Variants in PSG6 observed in about 807,000 individuals in gnomAD.
PSG6 encodes the protein pregnancy specific beta-1-glycoprotein 6.
PSG6 carries 51 observed loss-of-function variants against 43.3 expected under a neutral mutation model. That is an observed-to-expected ratio of 1.18 (90% confidence interval 0.94 to 1.49). PSG6 has a LOEUF of 1.49. Among genes scored for constraint, PSG6 ranks in the 40% most tolerant of loss-of-function variants. PSG6 has a pLI of 0.00. For missense variants in PSG6, 770 were observed against 522.2 expected (o/e 1.47, Z -4.62); for synonymous variants, 292 against 197.6 (o/e 1.48, Z -4.01).
rs370199312 is a variant in PSG6 at position 42,909,556 on chromosome 19, G to C, written c.706+1024C>G. The C allele has an allele frequency of 1.3e-4, 19 of 151,662 alleles. 1 individual carries two copies. The highest frequency in any genetic ancestry group is 7.8e-4 in the East Asian group (4 of 5,148). 9.4% of individuals were successfully genotyped at this position (151,662 alleles called of 1,614,324 possible). A position where few individuals can be genotyped will look rare whatever the true frequency, so the allele number is the denominator to read the frequency against. On this transcript the variant is annotated intron_variant, in intron 3 of 5. Coordinates refer to ENST00000187910, the MANE Select transcript of PSG6 (RefSeq NM_001031850.4). ...CTTCCAATCCATGAAAATGAAATGTGTTTCCATATATTGATATCGTCTTTA... is the reference window on the plus strand; with the variant it reads ...CTTCCAATCCATGAAAATGAAATGTCTTTCCATATATTGATATCGTCTTTA...
In PSG6 at chr19:42,902,761, A is replaced by T. The variant is rs577058828; in HGVS notation, c.1241-315T>A. On this transcript the variant is annotated intron_variant, in intron 5 of 5. Transcript: ENST00000187910. ...TCACAGGTGTCTTCCCTGATAAATT[A>T]TCTTGTATGTCTAATCCCATCTTGG... Among the ~76,000 whole-genome samples the T allele has an allele frequency of 2.3e-4, 35 of 151,452 alleles. 2 individuals carry two copies. The highest frequency in any genetic ancestry group is 8.5e-4 in the African/African-American group (35 of 41,224).
intron 2 of PSG6, among the ~76,000 whole-genome samples, chr19:42,911,180 C>G (rs1228937005): frequency 6.6e-6 from 1 of 151,542 alleles, no homozygotes; most frequent in Non-Finnish European, 1.5e-5. Flanking sequence ...CTGCCTGGCC[C>G]ACCTTTTGGT....
intron 5 of PSG6, chr19:42,903,736 A>T: frequency 6.6e-7 from 1 of 1,521,632 alleles, no homozygotes; most frequent in Non-Finnish European, 8.8e-7. Flanking sequence ...AAAAAAAAAA[A>T]AAACCAATTA....
Position 42,910,762 on chromosome 19 carries a change from G to A in PSG6, c.524C>T (p.Ala175Val). ...ACCATTCAGCAACCACAGGTAGCTTGCATCCGGAGTCTCAGGATCACAGAT... is the reference window on the plus strand; with the variant it reads ...ACCATTCAGCAACCACAGGTAGCTTACATCCGGAGTCTCAGGATCACAGAT... Reference protein sequence around the residue: ...RLICDPETPDASYLWLLNGQN... With the variant: ...RLICDPETPDVSYLWLLNGQN... The change falls in exon 3 of 6, where the codon GCA (alanine) becomes GTA (valine). Residue 175 changes from alanine (A) to valine (V), a missense_variant. Physicochemically the swap from Ala to Val is moderately conservative, Grantham distance 64. Transcript: ENST00000187910. The A allele has an allele frequency of 1.2e-6, 2 of 1,612,394 alleles. No homozygotes were observed. The highest frequency in any genetic ancestry group is 1.7e-6 in the Non-Finnish European group (2 of 1,179,272).
In PSG6 at chr19:42,916,178, T is replaced by A. The variant is rs781482700; in HGVS notation, c.374A>T (p.Lys125Met). The change falls in exon 2 of 6, where the codon AAG (lysine) becomes ATG (methionine). Residue 125 changes from lysine (K) to methionine (M), a missense_variant. Lys to Met is a moderately conservative substitution (Grantham distance 95). Transcript: ENST00000187910. ...DAGSYTLHII[K>M]RGDGTGGVTG... is the part of the protein sequence containing the mutation. ...TACTCCTCCAGTCCCATCGCCTCGC[T>A]TTATGATGTGTAAGGTGTAGGATCC... The A allele has an allele frequency of 2.0e-5, 32 of 1,612,038 alleles. 2 individuals are homozygous for A. The highest frequency in any genetic ancestry group is 2.7e-5 in the African/African-American group (2 of 74,708).
chr19:42,910,417 C>T (rs1367930382), intron 3 of PSG6, 163 bp downstream of exon 3: 1 of 1,560,184 alleles, frequency 6.4e-7, no homozygotes, highest in South Asian at 1.1e-5. Context: ...TTGATCAAGC[C>T]TAGGCCTACT....
intron 3 of PSG6, 194 bp from the exon 4 acceptor site, chr19:42,908,048 G>A: frequency 1.1e-6 from 1 of 951,194 alleles, no homozygotes; most frequent in Admixed American, 2.9e-5. Flanking sequence ...TCTGTCTTAG[G>A]GAAGCACAGA....
At chr19:42,910,422 C>A in intron 3 of PSG6, 158 bp downstream of exon 3, 1 of 1,570,262 alleles carries the variant, frequency 6.4e-7, no homozygotes, top group Non-Finnish European at 8.7e-7. Flanking sequence ...CAAGCCTAGG[C>A]CTACTCTGGT....
In PSG6 at chr19:42,907,140, G is replaced by C. The variant is rs766522831; in HGVS notation, c.1022C>G (p.Thr341Ser). Reference protein sequence around the residue: ...PDLPRIYPSFTYYRSGENLDL... With the variant: ...PDLPRIYPSFSYYRSGENLDL... Reference sequence around the variant, plus strand: ...GAGGTTTTCTCCTGAACGGTAATAGGTGAATGAAGGGTAAATTCTGGGGAG... The same window carrying C: ...GAGGTTTTCTCCTGAACGGTAATAGCTGAATGAAGGGTAAATTCTGGGGAG... The change falls in exon 5 of 6, where the codon ACC becomes AGC. Residue 341 changes from threonine to serine, a missense_variant. Transcript: ENST00000187910. 3 of 1,612,720 alleles carry C rather than the reference G, an allele frequency of 1.9e-6. No homozygotes were observed. The highest frequency in any genetic ancestry group is 1.7e-4 in the Middle Eastern group (1 of 6,060).
chr19:42,902,766 G>A (rs1217343651), intron 5 of PSG6, among the ~76,000 whole-genome samples: 1 of 151,308 alleles, frequency 6.6e-6, no homozygotes, highest in African/African-American at 2.4e-5. Context: ...AAATTATCTT[G>A]TATGTCTAAT....
intron 5 of PSG6, among the ~76,000 whole-genome samples, chr19:42,906,377 A>G (rs114586395): frequency 0.024 from 3,610 of 151,242 alleles, 201 homozygotes; most frequent in African/African-American, 0.083. Context: ...CTTTCTCCAC[A>G]CATGTTGGTT....
At chr19:42,914,379 T>G (rs1305858688) in intron 2 of PSG6, among the ~76,000 whole-genome samples, 1 of 150,752 alleles carries the variant, frequency 6.6e-6, no homozygotes, top group Admixed American at 6.6e-5. Flanking sequence ...GAAGAAGCTG[T>G]GCAGGACAGG....
intron 1 of PSG6, 31 bp downstream of exon 1, chr19:42,917,698 C>T (rs1462638569): frequency 6.2e-7 from 1 of 1,606,564 alleles, no homozygotes; most frequent in Non-Finnish European, 8.5e-7. Flanking sequence ...GCTTCCTCCT[C>T]CTGTCCTCTC....
intron 2 of PSG6, among the ~76,000 whole-genome samples, chr19:42,913,021 C>G (rs1312632193): frequency 6.6e-6 from 1 of 151,616 alleles, no homozygotes; most frequent in African/African-American, 2.4e-5. Context: ...TGTTGTTCCG[C>G]TTTTTTTCCC....
At chr19:42,911,021 G>A (rs1972214587) in intron 2 of PSG6, among the ~76,000 whole-genome samples, 163 bp from the exon 3 acceptor site, 1 of 151,516 alleles carries the variant, frequency 6.6e-6, no homozygotes, top group African/African-American at 2.4e-5. Context: ...CAACCTGAGG[G>A]CTCAGTGATT....
rs894210581 is a variant in PSG6 at position 42,914,577 on chromosome 19, G to A, written c.427+1548C>T. ...CCTCCGGTGGCCAAAGAACTTCAGA[G>A]TTGCATGAGGTGGGGTGGCTTTAGG... On this transcript the variant is annotated intron_variant, in intron 2 of 5. Coordinates refer to ENST00000187910, the MANE Select transcript of PSG6 (RefSeq NM_001031850.4). Among the ~76,000 whole-genome samples, 33 of 150,014 alleles carry A rather than the reference G, an allele frequency of 2.2e-4. 1 individual carries two copies. Among genetic ancestry groups the A allele is most frequent in the African/African-American group, 7.6e-4 (31 of 40,624 alleles).
At position 42,907,844 on chromosome 19, in the gene PSG6, G is replaced by A. The variant is rs1194219070; in HGVS notation, c.717C>T (p.Pro239=). The stretch of plus-strand genomic sequence containing the variant: ...AGTTGTTGATGGTGATGTAAGGCAT[G>A]GGCAGCTTCGCTGTGTGGATAACAG... ...PVTLNLLPKL[P]MPYITINNLN... The change falls in exon 4 of 6, where the codon CCC becomes CCT. Residue 239 remains proline (P), a synonymous_variant. Coordinates refer to ENST00000187910, the MANE Select transcript of PSG6 (RefSeq NM_001031850.4). 16 of 1,611,190 alleles carry A rather than the reference G, an allele frequency of 9.9e-6. 1 individual carries two copies. Among genetic ancestry groups the A allele is most frequent in the Non-Finnish European group, 1.4e-5 (16 of 1,179,008 alleles).
chr19:42,907,257 C>T lies in PSG6; in HGVS notation c.986-81G>A. On this transcript the variant is annotated intron_variant, in intron 4 of 5. Transcript: ENST00000187910. Reference sequence around the variant, plus strand: ...CTGGTCTCTTAAAGGGACACAGTGACCCTCTGAACCAAGACACAACCTCAA... The same window carrying T: ...CTGGTCTCTTAAAGGGACACAGTGATCCTCTGAACCAAGACACAACCTCAA... 4 of 1,544,550 alleles carry T rather than the reference C, an allele frequency of 2.6e-6. No homozygotes were observed. The Admixed American group carries it at 7.8e-5, about 30-fold the overall frequency.
At chr19:42,910,147 A>T (rs1346550835) in intron 3 of PSG6, 5 of 294,658 alleles carry the variant, frequency 1.7e-5, no homozygotes, top group Non-Finnish European at 3.3e-5. Flanking sequence ...GTGTATGAGG[A>T]AGAAACGGTG....
Sources: allele counts gnomAD v4.1 joint callset (sites outside exome capture counted in the v4.1 genomes callset), GRCh38; gene constraint gnomAD v4.1.1; transcripts MANE v1.5; gene names NCBI Gene and HGNC (gene_info 2026-07-23, HGNC 2026-07-21).